Variants in FTO observed in about 807,000 individuals in gnomAD.
FTO encodes the protein alpha-ketoglutarate-dependent dioxygenase FTO.
In FTO, 47 loss-of-function variants were observed where a neutral mutation model predicts 63.9. That is an observed-to-expected ratio of 0.74 (90% CI 0.58 to 0.94). The LOEUF is 0.94. Among genes scored for constraint, FTO ranks in the 40% least tolerant of loss-of-function variants. FTO has a pLI of 0.00. For missense variants in FTO, 562 were observed against 618.1 expected, an observed-to-expected ratio of 0.91 and a Z score of 0.96; for synonymous variants, 207 against 224.4, an observed-to-expected ratio of 0.92 and a Z score of 0.69.
chr16:53,862,604 C>T (rs527256388), intron 4 of FTO, among the ~76,000 whole-genome samples: 2 of 146,074 alleles, frequency 1.4e-5, no homozygotes, highest in East Asian at 2.0e-4. Flanking sequence ...GGTGTGATCT[C>T]GGCTCACTGC....
At chr16:54,075,981 G>A (rs117328169) in intron 8 of FTO, among the ~76,000 whole-genome samples, 1 of 152,106 alleles carries the variant, frequency 6.6e-6, no homozygotes, top group South Asian at 2.1e-4. Context: ...TGCGAGGCCG[G>A]ATTCCCCATC....
intron 1 of FTO, among the ~76,000 whole-genome samples, chr16:53,779,991 C>G (rs964081791): frequency 1.3e-5 from 2 of 152,200 alleles, no homozygotes; most frequent in Non-Finnish European, 2.9e-5. Flanking sequence ...CAAGTTTTAA[C>G]AGTCTTCTCC....
intron 8 of FTO, among the ~76,000 whole-genome samples, chr16:54,076,623 T>C (rs2085999046): frequency 6.6e-6 from 1 of 152,216 alleles, no homozygotes; most frequent in Admixed American, 6.5e-5. Context: ...GTATATATTA[T>C]GTACATATAA....
intron 8 of FTO, among the ~76,000 whole-genome samples, chr16:53,976,941 A>C (rs1599129775): frequency 6.6e-6 from 1 of 152,280 alleles, no homozygotes; most frequent in African/African-American, 2.4e-5. Flanking sequence ...TAAATAATCC[A>C]AAATAAAATG....
At chr16:53,813,631 C>T (rs1489758194) in intron 2 of FTO, among the ~76,000 whole-genome samples, 2 of 152,174 alleles carry the variant, frequency 1.3e-5, no homozygotes, top group African/African-American at 4.8e-5. Context: ...AAAGTTCAGA[C>T]CTGACACTGG....
intron 8 of FTO, among the ~76,000 whole-genome samples, chr16:54,097,508 G>C (rs1378059490): frequency 6.6e-6 from 1 of 152,000 alleles, no homozygotes; most frequent in East Asian, 1.9e-4. Context: ...TACATGCCCA[G>C]CTATTACTTC....
In FTO at chr16:54,113,385, ACT is replaced by A. The variant is rs2086932105; in HGVS notation, c.*1473_*1474del. 1 of 151,998 alleles carries A rather than the reference ACT, an allele frequency of 6.6e-6. No homozygotes were observed. Among genetic ancestry groups the A allele is most frequent in the East Asian group, 1.9e-4 (1 of 5,174 alleles). 9.4% of individuals were successfully genotyped at this position (151,998 alleles called of 1,614,324 possible). A position where few individuals can be genotyped will look rare whatever the true frequency, so the allele number is the denominator to read the frequency against. On this transcript the variant is annotated 3_prime_UTR_variant, in exon 9 of 9. Coordinates refer to ENST00000471389, the MANE Select transcript of FTO (RefSeq NM_001080432.3). ...CCTATTGAAGGTGCACTGAGAATAA[ACT>A]CTTTCCTGCCACCAGAATTGCAGTG...
chr16:53,814,170 C>A lies in FTO; in HGVS notation c.123+3953C>A, dbSNP rs568445584. ...GTTTTGCAGTTTCTTTTAATAGGAC[C>A]GTAGAGAAAAGCAAAACCAAACCAC... On this transcript the variant is annotated intron_variant, in intron 2 of 8. Transcript: ENST00000471389. Among the ~76,000 whole-genome samples the A allele has an allele frequency of 3.3e-5, 5 of 152,112 alleles. No individual in the cohort carries two copies. In the East Asian group the frequency reaches 9.7e-4, roughly 29 times the overall value.
chr16:53,952,821 ATT>A (rs1028196429), intron 8 of FTO, among the ~76,000 whole-genome samples: 3 of 152,214 alleles, frequency 2.0e-5, no homozygotes, highest in Non-Finnish European at 4.4e-5. Context: ...GTGACTCTCG[ATT>A]AACCTTGATT....
rs114959570 is a variant in FTO at position 53,902,145 on chromosome 16, G to A, written c.1239+13194G>A. Among the ~76,000 whole-genome samples the A allele has an allele frequency of 7.6e-3, 1,153 of 152,130 alleles. 17 individuals are homozygous for A. Among genetic ancestry groups the A allele is most frequent in the African/African-American group, 0.027 (1,112 of 41,484 alleles). On this transcript the variant is annotated intron_variant, in intron 7 of 8. Transcript: ENST00000471389. ...AGGTAACGTCGGCATAGTGATATTG[G>A]GCATTGCTTAATTTCTTTCAAGGCC... is the stretch of plus-strand genomic sequence containing the variant.
intron 7 of FTO, among the ~76,000 whole-genome samples, chr16:53,894,200 A>G (rs1049039335): frequency 6.6e-6 from 1 of 152,232 alleles, no homozygotes; most frequent in African/African-American, 2.4e-5. Context: ...TTTAATTTTA[A>G]GATGAGTCAT....
Position 53,795,449 on chromosome 16 carries a change from TTG to T in FTO, c.46-14674_46-14673del, listed in dbSNP as rs66611114. On this transcript the variant is annotated intron_variant, in intron 1 of 8. Coordinates refer to ENST00000471389, the MANE Select transcript of FTO (RefSeq NM_001080432.3). ...ATGACACCAGACCCTGCTAATACATTTGTGTGTGTGTGTGTGTGCGTGCGTGT... is the reference window on the plus strand; with the variant it reads ...ATGACACCAGACCCTGCTAATACATTTGTGTGTGTGTGTGTGCGTGCGTGT... Among the ~76,000 whole-genome samples the T allele has an allele frequency of 6.4e-4, 96 of 149,588 alleles. 1 individual carries two copies. The South Asian group carries it at 0.017, about 27-fold the overall frequency.
At chr16:53,752,267 G>C (rs192482012) in intron 1 of FTO, among the ~76,000 whole-genome samples, 2 of 152,144 alleles carry the variant, frequency 1.3e-5, no homozygotes, top group Non-Finnish European at 2.9e-5. Context: ...TTCAACAGTG[G>C]CTACCTCTTT....
chr16:54,107,142 T>C (rs2086774038), intron 8 of FTO, among the ~76,000 whole-genome samples: 1 of 150,796 alleles, frequency 6.6e-6, no homozygotes, highest in Non-Finnish European at 1.5e-5. Flanking sequence ...CAATATTTTA[T>C]GTGTATATAC....
chr16:53,891,000 T>C (rs937161780), intron 7 of FTO, among the ~76,000 whole-genome samples: 2 of 152,044 alleles, frequency 1.3e-5, no homozygotes, highest in Non-Finnish European at 2.9e-5. Context: ...TTGATTTTTT[T>C]TTTTTTTTGA....
chr16:53,813,220 T>TC (rs1263972111), intron 2 of FTO, among the ~76,000 whole-genome samples: 1 of 151,882 alleles, frequency 6.6e-6, no homozygotes, highest in East Asian at 1.9e-4. Context: ...TCTTTTCTTT[T>TC]TTTTTTTTTG....
At position 53,826,408 on chromosome 16, in the gene FTO, TG is replaced by T. The variant is rs1346123856; in HGVS notation, c.672del (p.Met226TrpfsTer3). 1 of 1,614,086 alleles carries T rather than the reference TG, an allele frequency of 6.2e-7. No individual in the cohort carries two copies. ...PYLKEEPYFG[M>X]GKMAVSWHHD... ...CTGAAAGAGGAACCTTATTTTGGCA[TG>T]GGGAAAATGGCAGTGAGCTGGCATC... On this transcript the variant is annotated frameshift_variant, in exon 3 of 9. Coordinates refer to ENST00000471389, the MANE Select transcript of FTO (RefSeq NM_001080432.3). LOFTEE classifies it high-confidence loss of function.
chr16:53,729,569 T>G (rs1056179556), intron 1 of FTO, among the ~76,000 whole-genome samples: 1 of 151,980 alleles, frequency 6.6e-6, no homozygotes, highest in Non-Finnish European at 1.5e-5. Flanking sequence ...GATTTGCCAC[T>G]GGCTGCATGT....
At chr16:53,723,855 C>T (rs1281329811) in intron 1 of FTO, among the ~76,000 whole-genome samples, 3 of 152,134 alleles carry the variant, frequency 2.0e-5, no homozygotes, top group Admixed American at 2.0e-4. Context: ...CCACATTTTC[C>T]ATTTGAGGGA....
Sources: gnomAD v4.1 joint callset for allele counts (sites outside exome capture counted in the v4.1 genomes callset) on GRCh38, gnomAD v4.1.1 for gene constraint, MANE v1.5 for transcripts, NCBI Gene and HGNC (gene_info 2026-07-23, HGNC 2026-07-21) for gene names.